APBA2: variants seen among roughly 807,000 people sequenced by gnomAD.
APBA2 encodes the protein amyloid-beta A4 precursor protein-binding family A member 2.
In APBA2, 30 loss-of-function variants were observed where a neutral mutation model predicts 75.0. The ratio of observed to expected loss-of-function variants is 0.40; its 90% CI spans 0.30 to 0.54. The LOEUF (loss-of-function observed/expected upper bound fraction) is 0.54. APBA2 is among the 20% of genes least tolerant of loss of function. The probability of loss-of-function intolerance (pLI) is 0.49; values close to 1 mark genes in which losing one functional copy is unlikely to be tolerated. For synonymous variants in APBA2, 444 were observed against 409.6 expected, an observed-to-expected ratio of 1.08 and a Z score of -1.01; for missense variants, 801 against 1,016.1, an observed-to-expected ratio of 0.79 and a Z score of 2.88.
intron 8 of APBA2, among the ~76,000 whole-genome samples, chr15:29,095,941 C>T (rs776445092): frequency 9.2e-5 from 14 of 152,216 alleles, no homozygotes; most frequent in East Asian, 1.9e-4. Context: ...GGAGTCCCTA[C>T]GGACTGCAGC....
In APBA2 at chr15:28,894,521, C is replaced by T. The variant is rs976927956; in HGVS notation, c.-205+8243C>T. 5.9e-5 allele frequency among the ~76,000 whole-genome samples: 9 copies of T among 152,240 alleles called. No homozygotes were observed. The South Asian group carries it at 1.5e-3, about 25-fold the overall frequency. ...AGTGGGTGGGTTTACCCCTTCAGAG[C>T]CCAGGCCAGAAGAGCCCTCCAGGCA... On this transcript the variant is annotated intron_variant, in intron 1 of 14. Transcript: ENST00000683413.
At chr15:28,960,159 A>G (rs1030699759) in intron 2 of APBA2, among the ~76,000 whole-genome samples, 22 of 151,416 alleles carry the variant, frequency 1.5e-4, no homozygotes, top group African/African-American at 5.1e-4. Context: ...AAAAAAAAAA[A>G]AAAAAAAAAG....
chr15:28,976,846 C>G (rs902020698), intron 2 of APBA2, among the ~76,000 whole-genome samples: 6 of 152,178 alleles, frequency 3.9e-5, no homozygotes, highest in African/African-American at 1.2e-4. Flanking sequence ...CATTCAGCAT[C>G]TCATCCTTTT....
At chr15:29,114,085 C>G in intron 14 of APBA2, 69 bp downstream of exon 14, 1 of 1,605,836 alleles carries the variant, frequency 6.2e-7, no homozygotes, top group Non-Finnish European at 8.5e-7. Context: ...CTCCATGAGC[C>G]TCCCCCGCTC....
chr15:29,031,542 C>A (rs1379192180), intron 3 of APBA2, among the ~76,000 whole-genome samples: 1 of 152,102 alleles, frequency 6.6e-6, no homozygotes, highest in East Asian at 1.9e-4. Flanking sequence ...CAATCTTGGC[C>A]CACTGCAACC....
At chr15:29,112,707 G>A (rs555569474) in intron 13 of APBA2, among the ~76,000 whole-genome samples, 1 of 152,286 alleles carries the variant, frequency 6.6e-6, no homozygotes, top group South Asian at 2.1e-4. Context: ...AAATATATCT[G>A]TAACTTAAAA....
At chr15:29,040,082 T>A (rs2040957710) in intron 3 of APBA2, among the ~76,000 whole-genome samples, 1 of 152,186 alleles carries the variant, frequency 6.6e-6, no homozygotes. Flanking sequence ...CGCTGCAAGC[T>A]GAAGATTAGG....
chr15:29,049,612 A>G (rs553245164), intron 3 of APBA2, among the ~76,000 whole-genome samples: 3 of 152,188 alleles, frequency 2.0e-5, no homozygotes, highest in East Asian at 1.9e-4. Context: ...TCACATCTCA[A>G]CAGTGAAGTC....
rs2045287981 is a variant in APBA2 at position 29,117,714 on chromosome 15, A to G, written c.*581A>G. On this transcript the variant is annotated 3_prime_UTR_variant, in exon 15 of 15. Coordinates refer to ENST00000683413, the MANE Select transcript of APBA2 (RefSeq NM_001353788.2). The stretch of plus-strand genomic sequence containing the variant: ...AATAAAGGATGATGGCCACAACATG[A>G]AAACTCCATATTTATTTAGATGCTA... 6.4e-6 allele frequency: 1 copy of G among 157,148 alleles called. No homozygotes were observed. The allele number at this position is 157,148 out of a possible 1,614,324, so 9.7% of individuals were successfully genotyped here.
At chr15:29,074,823 A>G (rs1372143621) in intron 4 of APBA2, 98 bp from the exon 5 acceptor site, 9 of 1,030,206 alleles carry the variant, frequency 8.7e-6, no homozygotes, top group Non-Finnish European at 1.4e-5. Flanking sequence ...AGACATACAC[A>G]TGCATTTTAC....
intron 6 of APBA2, among the ~76,000 whole-genome samples, chr15:29,076,577 G>T (rs2042862511): frequency 6.6e-6 from 1 of 151,982 alleles, no homozygotes; most frequent in Admixed American, 6.6e-5. Context: ...TCTTGGGGAT[G>T]GGGAGCACAC....
chr15:29,043,554 G>C (rs2041157503), intron 3 of APBA2, among the ~76,000 whole-genome samples: 1 of 152,220 alleles, frequency 6.6e-6, no homozygotes, highest in Non-Finnish European at 1.5e-5. Flanking sequence ...GGCAGCCCTT[G>C]CTAACGTCTT....
At chr15:28,980,882 C>T (rs994922199) in intron 2 of APBA2, among the ~76,000 whole-genome samples, 1 of 152,150 alleles carries the variant, frequency 6.6e-6, no homozygotes, top group African/African-American at 2.4e-5. Flanking sequence ...GAAATAAAGC[C>T]ACACACCTAC....
At chr15:29,094,631 G>A (rs1414238845) in intron 8 of APBA2, among the ~76,000 whole-genome samples, 3 of 152,238 alleles carry the variant, frequency 2.0e-5, no homozygotes, top group African/African-American at 4.8e-5. Context: ...ATATGACAAC[G>A]TGGTGGGTGT....
At chr15:29,023,082 C>T (rs552178928) in intron 3 of APBA2, among the ~76,000 whole-genome samples, 6 of 152,108 alleles carry the variant, frequency 3.9e-5, no homozygotes, top group Non-Finnish European at 7.3e-5. Flanking sequence ...CCTAATAATT[C>T]GTCCGTTGAT....
chr15:29,006,549 T>C (rs2039126285), intron 3 of APBA2, among the ~76,000 whole-genome samples: 1 of 152,210 alleles, frequency 6.6e-6, no homozygotes, highest in African/African-American at 2.4e-5. Flanking sequence ...GGAAAGAGGT[T>C]TAATGGACTC....
intron 1 of APBA2, among the ~76,000 whole-genome samples, chr15:28,911,647 C>T (rs1441807430): frequency 2.0e-5 from 3 of 152,168 alleles, no homozygotes; most frequent in Non-Finnish European, 2.9e-5. Flanking sequence ...AGAAATGTTT[C>T]ACATTTTAAA....
intron 2 of APBA2, among the ~76,000 whole-genome samples, chr15:28,973,708 A>G (rs2037190785): frequency 6.6e-6 from 1 of 152,230 alleles, no homozygotes; most frequent in South Asian, 2.1e-4. Context: ...GAATGGCTAT[A>G]AATGTTATAT....
intron 2 of APBA2, among the ~76,000 whole-genome samples, chr15:28,961,829 C>T (rs957220239): frequency 2.6e-5 from 4 of 152,218 alleles, no homozygotes; most frequent in South Asian, 2.1e-4. Flanking sequence ...GTATAGATCC[C>T]GGACGTTAGT....
Sources: allele counts gnomAD v4.1 joint callset (sites outside exome capture counted in the v4.1 genomes callset), GRCh38; gene constraint gnomAD v4.1.1; transcripts MANE v1.5; gene names NCBI Gene and HGNC (gene_info 2026-07-23, HGNC 2026-07-21).